Variants in EFCAB6 observed in about 807,000 individuals in gnomAD.
EFCAB6 encodes the protein EF-hand calcium binding domain 6, also known as EF-hand calcium-binding domain-containing protein 6.
In EFCAB6, 156 loss-of-function variants were observed where a neutral mutation model predicts 169.8. That is an observed-to-expected ratio of 0.92 (90% CI 0.81 to 1.05). EFCAB6 has a LOEUF of 1.05. Ranked by LOEUF, EFCAB6 falls within the 50% of genes least tolerant of loss-of-function variation. The pLI, the probability that EFCAB6 is intolerant of heterozygous loss-of-function variation, is 0.00. For missense variants in EFCAB6, 1,800 were observed against 1,829.1 expected (o/e 0.98, Z 0.29); for synonymous variants, 698 against 676.4 (o/e 1.03, Z -0.50).
At chr22:43,596,009 C>T (rs538225885) in intron 23 of EFCAB6, among the ~76,000 whole-genome samples, 4 of 152,078 alleles carry the variant, frequency 2.6e-5, no homozygotes, top group African/African-American at 9.7e-5. Flanking sequence ...ATGATAATTT[C>T]AACAGATGCT....
At chr22:43,580,344 G>T in intron 25 of EFCAB6, 120 bp downstream of exon 25, 1 of 1,070,942 alleles carries the variant, frequency 9.3e-7, no homozygotes, top group Non-Finnish European at 1.3e-6. Context: ...CTCTGCTCAT[G>T]GTTAACTAGA....
chr22:43,643,311 A>G (rs2055925545), intron 17 of EFCAB6, among the ~76,000 whole-genome samples: 1 of 152,270 alleles, frequency 6.6e-6, no homozygotes, highest in Non-Finnish European at 1.5e-5. Flanking sequence ...AGTAGAGCAA[A>G]GATTTGAACA....
At chr22:43,658,582 A>G (rs958603375) in intron 17 of EFCAB6, among the ~76,000 whole-genome samples, 1 of 152,174 alleles carries the variant, frequency 6.6e-6, no homozygotes, top group African/African-American at 2.4e-5. Flanking sequence ...AGGCCCTGAG[A>G]ATACAAAAGT....
rs950009178 is a variant in EFCAB6 at position 43,812,234 on chromosome 22, G to T, written c.-211C>A. ...CCGCGTGCGCGGACCCCAAGCCGCGGGGTCTCAGAGGGGCTGCCCATTCGG... is the reference window on the plus strand; with the variant it reads ...CCGCGTGCGCGGACCCCAAGCCGCGTGGTCTCAGAGGGGCTGCCCATTCGG... On this transcript the variant is annotated 5_prime_UTR_variant, in exon 1 of 32. Transcript: ENST00000262726. 1.3e-5 allele frequency: 2 copies of T among 152,296 alleles called. No homozygotes were observed. Among genetic ancestry groups the T allele is most frequent in the Non-Finnish European group, 1.5e-5 (1 of 68,078 alleles). The allele number at this position is 152,296 out of a possible 1,614,324, so 9.4% of individuals were successfully genotyped here. A position where few individuals can be genotyped will look rare whatever the true frequency, so the allele number is the denominator to read the frequency against.
At chr22:43,735,416 G>T (rs2060097887) in intron 7 of EFCAB6, among the ~76,000 whole-genome samples, 2 of 151,832 alleles carry the variant, frequency 1.3e-5, no homozygotes, top group African/African-American at 4.8e-5. Context: ...ATTGTATCAG[G>T]ATGCAGAGCC....
At chr22:43,723,324 A>T (rs2059604946) in intron 8 of EFCAB6, among the ~76,000 whole-genome samples, 1 of 152,174 alleles carries the variant, frequency 6.6e-6, no homozygotes, top group African/African-American at 2.4e-5. Context: ...CTACTAGAGG[A>T]GGAGAAATGG....
At chr22:43,663,349 A>G (rs2057095802) in intron 17 of EFCAB6, among the ~76,000 whole-genome samples, 1 of 152,154 alleles carries the variant, frequency 6.6e-6, no homozygotes, top group Non-Finnish European at 1.5e-5. Context: ...CTTTCTTTCT[A>G]CTGCATAAGC....
intron 6 of EFCAB6, among the ~76,000 whole-genome samples, chr22:43,741,462 G>A (rs534513783): frequency 2.0e-5 from 3 of 152,172 alleles, no homozygotes; most frequent in African/African-American, 4.8e-5. Context: ...TTCCTCACTC[G>A]CTTACTTGAA....
intron 7 of EFCAB6, among the ~76,000 whole-genome samples, chr22:43,735,529 T>TG (rs566796010): frequency 1.2e-3 from 97 of 79,730 alleles, no homozygotes; most frequent in Non-Finnish European, 2.1e-3. Flanking sequence ...ATATGTGGGA[T>TG]GGGGGGGCGG....
chr22:43,742,644 G>C (rs1482497272), intron 6 of EFCAB6, among the ~76,000 whole-genome samples: 1 of 152,232 alleles, frequency 6.6e-6, no homozygotes, highest in Non-Finnish European at 1.5e-5. Context: ...CCCGTCTCCT[G>C]GCCAGAGACC....
chr22:43,777,285 G>A lies in EFCAB6; in HGVS notation c.140-4182C>T, dbSNP rs567512739. 3.3e-5 allele frequency among the ~76,000 whole-genome samples: 5 copies of A among 152,328 alleles called. No homozygotes were observed. The East Asian group carries it at 5.8e-4, about 18-fold the overall frequency. On this transcript the variant is annotated intron_variant, in intron 3 of 31. Coordinates refer to ENST00000262726, the MANE Select transcript of EFCAB6 (RefSeq NM_022785.4). The stretch of plus-strand genomic sequence containing the variant: ...ATGCGGTGCACGCAGAAAGGTCCGC[G>A]AGGCAACTGGATATACGATCGGGAG...
chr22:43,770,928 G>A (rs1202109997), intron 4 of EFCAB6, among the ~76,000 whole-genome samples: 3 of 150,358 alleles, frequency 2.0e-5, no homozygotes, highest in Non-Finnish European at 4.4e-5. Flanking sequence ...TTTTAAGTCA[G>A]AAAAAAAAAA....
intron 2 of EFCAB6, among the ~76,000 whole-genome samples, chr22:43,784,638 T>C (rs1160994516): frequency 1.4e-5 from 1 of 70,916 alleles, no homozygotes; most frequent in Non-Finnish European, 2.9e-5. Context: ...TATATGTATA[T>C]GTACACATAT....
intron 2 of EFCAB6, among the ~76,000 whole-genome samples, chr22:43,784,539 G>GTATATA (rs1412650507): frequency 2.2e-5 from 2 of 91,954 alleles, no homozygotes; most frequent in African/African-American, 8.3e-5. Context: ...GTGTGTGTGT[G>GTATATA]TGTGTATATG....
rs1021757191 is a variant in EFCAB6 at position 43,627,110 on chromosome 22, C to T, written c.2233-431G>A. On this transcript the variant is annotated intron_variant, in intron 19 of 31. Transcript: ENST00000262726. ...AACAAATACTGCACTGAATCTCACA[C>T]CAAGGAGCCACCTGAAGGCCAGGCC... 7.9e-5 allele frequency among the ~76,000 whole-genome samples: 12 copies of T among 152,186 alleles called. 1 individual carries two copies. The highest frequency in any genetic ancestry group is 6.5e-4 in the Admixed American group (10 of 15,282).
At position 43,590,150 on chromosome 22, in the gene EFCAB6, T is replaced by C; in HGVS notation, c.2956A>G (p.Ile986Val). The change falls in exon 24 of 32, where the codon ATA becomes GTA. Residue 986 changes from isoleucine (I) to valine (V), a missense_variant. Physicochemically the swap from Ile to Val is conservative, Grantham distance 29 (BLOSUM62 3). Coordinates refer to ENST00000262726, the MANE Select transcript of EFCAB6 (RefSeq NM_022785.4). ...TDQSKTNYISICKMQEVLEEC... is the reference protein window; with the variant it reads ...TDQSKTNYISVCKMQEVLEEC... Reference sequence around the variant, plus strand: ...TCCAGCACTTCCTGCATCTTGCATATGGATATGTAGTTGGTTTTGGATTGA... The same window carrying C: ...TCCAGCACTTCCTGCATCTTGCATACGGATATGTAGTTGGTTTTGGATTGA... 1 of 1,614,198 alleles carries C rather than the reference T, an allele frequency of 6.2e-7. No individual in the cohort carries two copies. The highest frequency in any genetic ancestry group is 8.5e-7 in the Non-Finnish European group (1 of 1,180,026).
intron 19 of EFCAB6, among the ~76,000 whole-genome samples, chr22:43,629,785 G>A (rs2147865337): frequency 6.6e-6 from 1 of 152,240 alleles, no homozygotes; most frequent in African/African-American, 2.4e-5. Flanking sequence ...TTAGAGGCAG[G>A]AAAGGGTGAG....
rs570955208 is a variant in EFCAB6 at position 43,667,547 on chromosome 22, T to G, written c.1815-275A>C. Among the ~76,000 whole-genome samples, 51 of 152,214 alleles carry G rather than the reference T, an allele frequency of 3.4e-4. No individual in the cohort carries two copies. In the South Asian group the frequency reaches 1.0e-2, roughly 30 times the overall value. ...AGGGGAACTTGCAGGGAGAGAATATTATGGTCCTCGAGATTTTCAGTTATG... is the reference window on the plus strand; with the variant it reads ...AGGGGAACTTGCAGGGAGAGAATATGATGGTCCTCGAGATTTTCAGTTATG... On this transcript the variant is annotated intron_variant, in intron 16 of 31. Transcript: ENST00000262726.
intron 26 of EFCAB6, among the ~76,000 whole-genome samples, chr22:43,575,094 C>A (rs2050151308): frequency 6.6e-6 from 1 of 152,184 alleles, no homozygotes. Context: ...CTGAGAACAA[C>A]CTGCATGTTC....
Sources: allele counts gnomAD v4.1 joint callset (sites outside exome capture counted in the v4.1 genomes callset), GRCh38; gene constraint gnomAD v4.1.1; transcripts MANE v1.5; gene names NCBI Gene and HGNC (gene_info 2026-07-23, HGNC 2026-07-21).